Variants in COL25A1 observed in about 807,000 individuals in gnomAD.
COL25A1 encodes collagen type XXV alpha 1 chain.
A neutral mutation model predicts 128.4 loss-of-function variants in COL25A1; 103 were observed. The ratio of observed to expected loss-of-function variants is 0.80; its 90% CI spans 0.68 to 0.94. The LOEUF (loss-of-function observed/expected upper bound fraction) is 0.94, where lower values mean the gene tolerates loss of function less well. COL25A1 is among the 40% of genes least tolerant of loss of function. The pLI is 0.00. For missense variants in COL25A1, 745 were observed against 840.0 expected (o/e 0.89, Z 1.40); for synonymous variants, 279 against 277.2 (o/e 1.01, Z -0.06).
chr4:108,937,084 C>T (rs79859999), intron 11 of COL25A1, among the ~76,000 whole-genome samples: 5 of 151,938 alleles, frequency 3.3e-5, no homozygotes, highest in African/African-American at 7.3e-5. Flanking sequence ...GAGTGTGAGC[C>T]GTCCTCTGGC....
At chr4:109,279,293 C>A (rs112577549) in intron 3 of COL25A1, among the ~76,000 whole-genome samples, 180 of 152,192 alleles carry the variant, frequency 1.2e-3, no homozygotes, top group African/African-American at 4.2e-3. Flanking sequence ...CCAGAAAGAA[C>A]GGAATTTTAG....
chr4:108,991,219 G>A (rs914605432), intron 6 of COL25A1, among the ~76,000 whole-genome samples: 11 of 152,126 alleles, frequency 7.2e-5, no homozygotes, highest in Admixed American at 7.2e-4. Flanking sequence ...GCAGAATTGA[G>A]AGGAATATAT....
chr4:109,187,695 G>A (rs773917510), intron 3 of COL25A1, among the ~76,000 whole-genome samples: 17 of 152,108 alleles, frequency 1.1e-4, no homozygotes, highest in Non-Finnish European at 1.8e-4. Flanking sequence ...TTTGATTGTA[G>A]TGTTATAATG....
chr4:108,924,219 G>A (rs1293606298), intron 11 of COL25A1, among the ~76,000 whole-genome samples: 6 of 152,026 alleles, frequency 3.9e-5, no homozygotes, highest in Admixed American at 6.6e-5. Context: ...TTCTAAGCAT[G>A]GAGTAACATC....
chr4:108,941,098 C>T (rs1208098164), intron 9 of COL25A1, among the ~76,000 whole-genome samples: 2 of 152,194 alleles, frequency 1.3e-5, no homozygotes, highest in East Asian at 3.9e-4. Context: ...ATCTAGAGAG[C>T]TTAGAAACTG....
chr4:109,247,678 C>A (rs7692025), intron 3 of COL25A1, among the ~76,000 whole-genome samples: 1 of 152,088 alleles, frequency 6.6e-6, no homozygotes, highest in African/African-American at 2.4e-5. Context: ...TGAAGTCAGT[C>A]TTGAACATGC....
In COL25A1 at chr4:109,145,283, G is replaced by A. The variant is rs150572573; in HGVS notation, c.368-95104C>T. 0.011 allele frequency among the ~76,000 whole-genome samples: 1,645 copies of A among 152,006 alleles called. 61 individuals are homozygous for A. The South Asian group carries it at 0.13, about 12-fold the overall frequency. On this transcript the variant is annotated intron_variant, in intron 3 of 37. Transcript: ENST00000399132. ...GGGGTTTCACTGTGTTAGCCAGGAT[G>A]GTCTTGATCTCCTGACCTCGTGATC...
In COL25A1 at chr4:109,138,949, C is replaced by T. The variant is rs188640137; in HGVS notation, c.368-88770G>A. 1.0e-3 allele frequency among the ~76,000 whole-genome samples: 159 copies of T among 152,196 alleles called. 1 individual carries two copies. The East Asian group carries it at 0.019, about 18-fold the overall frequency. ...GTCTTGATCTCCTGACCTTGTGATCCGCCCACCTCGGCCTCCCAAAGTGCT... is the reference window on the plus strand; with the variant it reads ...GTCTTGATCTCCTGACCTTGTGATCTGCCCACCTCGGCCTCCCAAAGTGCT... On this transcript the variant is annotated intron_variant, in intron 3 of 37. Coordinates refer to ENST00000399132, the MANE Select transcript of COL25A1 (RefSeq NM_198721.4).
intron 3 of COL25A1, among the ~76,000 whole-genome samples, chr4:109,159,480 G>A (rs1772354691): frequency 6.6e-6 from 1 of 152,122 alleles, no homozygotes; most frequent in South Asian, 2.1e-4. Flanking sequence ...ACGCTTTCCA[G>A]CACCACCCCT....
chr4:109,169,299 T>A (rs1356187999), intron 3 of COL25A1, among the ~76,000 whole-genome samples: 1 of 152,190 alleles, frequency 6.6e-6, no homozygotes, highest in Non-Finnish European at 1.5e-5. Context: ...AACTTCCTAA[T>A]CTAGCCTTCT....
intron 19 of COL25A1, among the ~76,000 whole-genome samples, chr4:108,877,039 C>G (rs983474966): frequency 2.0e-5 from 3 of 152,168 alleles, no homozygotes; most frequent in African/African-American, 7.2e-5. Context: ...AGAAGAAATG[C>G]TATTAATTCA....
chr4:109,137,174 G>C (rs932858791), intron 3 of COL25A1, among the ~76,000 whole-genome samples: 8 of 152,140 alleles, frequency 5.3e-5, no homozygotes, highest in African/African-American at 1.9e-4. Context: ...GAACTGGGTC[G>C]AGCATTAACC....
At chr4:109,259,656 C>T (rs1337346523) in intron 3 of COL25A1, among the ~76,000 whole-genome samples, 2 of 152,186 alleles carry the variant, frequency 1.3e-5, no homozygotes, top group Non-Finnish European at 1.5e-5. Context: ...TTGTGGCTAC[C>T]TCCAAAGATT....
intron 32 of COL25A1, among the ~76,000 whole-genome samples, chr4:108,830,014 G>T (rs1019482675): frequency 6.6e-6 from 1 of 152,184 alleles, no homozygotes; most frequent in African/African-American, 2.4e-5. Flanking sequence ...GCAAAACCTA[G>T]AGTCCTCCTT....
intron 6 of COL25A1, among the ~76,000 whole-genome samples, chr4:108,997,835 C>T (rs758099889): frequency 1.8e-4 from 28 of 152,098 alleles, no homozygotes; most frequent in Non-Finnish European, 3.5e-4. Context: ...CAAATCAATA[C>T]ACATAATCCA....
At chr4:109,015,040 C>T (rs1180363348) in intron 5 of COL25A1, among the ~76,000 whole-genome samples, 1 of 152,192 alleles carries the variant, frequency 6.6e-6, no homozygotes, top group Non-Finnish European at 1.5e-5. Context: ...AAACCAGGGC[C>T]ATGACCAGAG....
Position 108,813,784 on chromosome 4 carries a change from G to T in COL25A1, c.*143C>A. The T allele has an allele frequency of 1.6e-6, 1 of 632,792 alleles. No individual in the cohort carries two copies. Among genetic ancestry groups the T allele is most frequent in the South Asian group, 2.2e-5 (1 of 44,816 alleles). The allele number at this position is 632,792 out of a possible 1,614,324, so 39.2% of individuals were successfully genotyped here. A position where few individuals can be genotyped will look rare whatever the true frequency, so the allele number is the denominator to read the frequency against. On this transcript the variant is annotated 3_prime_UTR_variant, in exon 38 of 38. Transcript: ENST00000399132. The stretch of plus-strand genomic sequence containing the variant: ...TTCAGATGTAAGTGGAGTAAAAATG[G>T]ACATGTATACTACTGCCAGCAGGAA...
intron 3 of COL25A1, among the ~76,000 whole-genome samples, chr4:109,071,579 A>G (rs1054127723): frequency 5.3e-5 from 8 of 152,224 alleles, no homozygotes; most frequent in African/African-American, 1.9e-4. Context: ...AGAATCTACA[A>G]TGAACTCAAA....
intron 3 of COL25A1, among the ~76,000 whole-genome samples, chr4:109,240,318 G>C (rs186542977): frequency 6.6e-5 from 10 of 152,000 alleles, no homozygotes; most frequent in African/African-American, 2.4e-4. Flanking sequence ...AATGCATTGT[G>C]CCATGACATC....
Sources: allele counts gnomAD v4.1 joint callset (sites outside exome capture counted in the v4.1 genomes callset), GRCh38; gene constraint gnomAD v4.1.1; transcripts MANE v1.5; gene names NCBI Gene and HGNC (gene_info 2026-07-23, HGNC 2026-07-21).